The following TBC1D2 variants were observed in gnomAD, a reference collection of about 807,000 sequenced individuals.
TBC1D2 encodes the protein TBC1 domain family member 2.
A neutral mutation model predicts 91.1 loss-of-function variants in TBC1D2; 58 were observed. The ratio of observed to expected loss-of-function variants is 0.64; its 90% CI spans 0.52 to 0.79. TBC1D2 has a LOEUF of 0.79. Ranked by LOEUF, TBC1D2 falls within the 30% of genes least tolerant of loss-of-function variation. The pLI, the probability that TBC1D2 is intolerant of heterozygous loss-of-function variation, is 0.00. For synonymous variants in TBC1D2, 482 were observed against 511.5 expected (o/e 0.94, Z 0.78); for missense variants, 1,080 against 1,208.3 (o/e 0.89, Z 1.57).
chr9:98,241,386 G>T (rs1003948711), intron 3 of TBC1D2, among the ~76,000 whole-genome samples: 3 of 152,162 alleles, frequency 2.0e-5, no homozygotes, highest in African/African-American at 7.2e-5. Context: ...TATGACCCGG[G>T]TTCATGGCAG....
intron 5 of TBC1D2, among the ~76,000 whole-genome samples, chr9:98,223,429 G>T (rs1022916361): frequency 6.6e-6 from 1 of 152,194 alleles, no homozygotes; most frequent in Non-Finnish European, 1.5e-5. Context: ...TGTTTGGAAC[G>T]TCCAGAATGA....
intron 3 of TBC1D2, among the ~76,000 whole-genome samples, chr9:98,240,166 G>GGTGTGTGTGTGTGTGTGTGTGTGT (rs60630078): frequency 2.2e-5 from 3 of 137,856 alleles, no homozygotes; most frequent in African/African-American, 7.5e-5. Flanking sequence ...GTGTTTGTGT[G>GGTGTGTGTGTGTGTGTGTGTGTGT]GTGTGTGTGT....
intron 4 of TBC1D2, among the ~76,000 whole-genome samples, chr9:98,230,963 C>T (rs73488716): frequency 0.038 from 5,723 of 152,226 alleles, 203 homozygotes; most frequent in African/African-American, 0.087. Context: ...AATCAGGTTA[C>T]ACTGGGTACA....
chr9:98,231,671 A>G (rs565689303), intron 4 of TBC1D2, among the ~76,000 whole-genome samples: 5 of 152,186 alleles, frequency 3.3e-5, no homozygotes, highest in Admixed American at 6.5e-5. Context: ...TCTGCTTTAT[A>G]TATTAGATTT....
chr9:98,254,392 G>T (rs560461129), intron 1 of TBC1D2, among the ~76,000 whole-genome samples: 6 of 152,336 alleles, frequency 3.9e-5, no homozygotes, highest in African/African-American at 7.2e-5. Context: ...TCTAGGTGAT[G>T]CAATTAATTC....
chr9:98,247,728 C>CAAAAAAAAAAAAA (rs58713846), intron 2 of TBC1D2, among the ~76,000 whole-genome samples: 22 of 70,842 alleles, frequency 3.1e-4, no homozygotes, highest in South Asian at 1.7e-3. Context: ...GACTCCGTCT[C>CAAAAAAAAAAAAA]AAAAAAAAAA....
At chr9:98,249,390 C>T (rs1024334691) in intron 2 of TBC1D2, among the ~76,000 whole-genome samples, 1 of 152,226 alleles carries the variant, frequency 6.6e-6, no homozygotes, top group African/African-American at 2.4e-5. Context: ...ATTAAAGAAC[C>T]TGCAACAGGT....
At position 98,221,228 on chromosome 9, in the gene TBC1D2, C is replaced by G; in HGVS notation, c.979G>C (p.Glu327Gln). ...GCCTTGTGCAGGATCTTCACTAGCT[C>G]CTGGGCAGGGAGAGGGAAGAATCTT... ...MLTKELKSQKELVKILHKALE... is the reference protein window; with the variant it reads ...MLTKELKSQKQLVKILHKALE... The change falls in exon 6 of 13, where the codon GAG becomes CAG. Residue 327 changes from glutamate to glutamine, a missense_variant and splice_region_variant. Transcript: ENST00000465784. 6.5e-7 allele frequency: 1 copy of G among 1,534,338 alleles called. No homozygotes were observed. The highest frequency in any genetic ancestry group is 8.8e-7 in the Non-Finnish European group (1 of 1,135,730).
intron 6 of TBC1D2, among the ~76,000 whole-genome samples, chr9:98,217,806 G>T (rs2119066317): frequency 6.6e-6 from 1 of 152,216 alleles, no homozygotes; most frequent in South Asian, 2.1e-4. Context: ...TCGAACTCCT[G>T]GGCGGCTCAA....
intron 2 of TBC1D2, among the ~76,000 whole-genome samples, chr9:98,245,056 C>T (rs1189182634): frequency 6.6e-6 from 1 of 151,318 alleles, no homozygotes; most frequent in Non-Finnish European, 1.5e-5. Context: ...CTGGCTAACA[C>T]GGTGAAACCC....
intron 1 of TBC1D2, 52 bp from the exon 2 acceptor site, chr9:98,251,978 T>C (rs2131300842): frequency 1.3e-6 from 2 of 1,556,880 alleles, no homozygotes; most frequent in East Asian, 2.4e-5. Context: ...AGGGTGGCAC[T>C]GGGTGCAGGA....
At position 98,244,017 on chromosome 9, in the gene TBC1D2, G is replaced by A. The variant is rs1829708809; in HGVS notation, c.624C>T (p.Leu208=). ...ACTGTATTTCAGTCCCCAGGTGCTTGAGGGAAATATTCTGAAGGGCAGGGA... is the reference window on the plus strand; with the variant it reads ...ACTGTATTTCAGTCCCCAGGTGCTTAAGGGAAATATTCTGAAGGGCAGGGA... The part of the protein sequence containing the change: ...QPFPALQNIS[L]KHLGTEIQNT... The change falls in exon 3 of 13, where the codon CTC becomes CTT. Residue 208 remains leucine (L), a synonymous_variant. Coordinates refer to ENST00000465784, the MANE Select transcript of TBC1D2 (RefSeq NM_001267571.2). The A allele has an allele frequency of 6.2e-7, 1 of 1,608,952 alleles. No individual in the cohort carries two copies. The highest frequency in any genetic ancestry group is 1.7e-5 in the Admixed American group (1 of 59,176).
intron 6 of TBC1D2, among the ~76,000 whole-genome samples, chr9:98,216,818 T>C (rs1053100038): frequency 1.3e-5 from 2 of 152,186 alleles, no homozygotes; most frequent in African/African-American, 4.8e-5. Context: ...GATCCTCCTG[T>C]CTCAGGCCCC....
chr9:98,238,720 G>A (rs1233509311), intron 3 of TBC1D2, among the ~76,000 whole-genome samples: 1 of 133,624 alleles, frequency 7.5e-6, no homozygotes, highest in Non-Finnish European at 1.5e-5. Context: ...GGGAAGTTTC[G>A]TTCTACTTGT....
Position 98,237,822 on chromosome 9 carries a change from T to C in TBC1D2, c.648-4273A>G, listed in dbSNP as rs137952553. Among the ~76,000 whole-genome samples the C allele has an allele frequency of 2.0e-5, 3 of 152,172 alleles. No homozygotes were observed. The East Asian group carries it at 5.8e-4, about 29-fold the overall frequency. On this transcript the variant is annotated intron_variant, in intron 3 of 12. Transcript: ENST00000465784. ...AAGGAAGCCACCAGAATTTTGATGGTGATTATATTGAATCTGTAGATCAAT... is the reference window on the plus strand; with the variant it reads ...AAGGAAGCCACCAGAATTTTGATGGCGATTATATTGAATCTGTAGATCAAT...
intron 8 of TBC1D2, among the ~76,000 whole-genome samples, chr9:98,209,795 T>TTCCTTCCTTCCTTCCTTCCTTC: frequency 1.1e-5 from 1 of 88,048 alleles, no homozygotes; most frequent in South Asian, 3.5e-4. Flanking sequence ...TTCCTTCCTT[T>TTCCTTCCTTCCTTCCTTCCTTC]CTTTTTCTTT....
In TBC1D2 at chr9:98,235,756, T is replaced by G. The variant is rs529011598; in HGVS notation, c.648-2207A>C. On this transcript the variant is annotated intron_variant, in intron 3 of 12. Transcript: ENST00000465784. ...TCATAAGAATCAGCAAGTTGTCGGCTGGGCACGGTGGCTCACGCCTGTAAT... is the reference window on the plus strand; with the variant it reads ...TCATAAGAATCAGCAAGTTGTCGGCGGGGCACGGTGGCTCACGCCTGTAAT... Among the ~76,000 whole-genome samples, 3 of 152,272 alleles carry G rather than the reference T, an allele frequency of 2.0e-5. No homozygotes were observed. The South Asian group carries it at 6.2e-4, about 32-fold the overall frequency.
At chr9:98,203,471 G>A in intron 9 of TBC1D2, 63 bp from the exon 10 acceptor site, 1 of 1,595,096 alleles carries the variant, frequency 6.3e-7, no homozygotes, top group Non-Finnish European at 8.5e-7. Context: ...GCAGCACATG[G>A]CAGAGGTGGC....
intron 11 of TBC1D2, among the ~76,000 whole-genome samples, 188 bp from the exon 12 acceptor site, chr9:98,200,562 G>A (rs1828467515): frequency 1.3e-5 from 2 of 151,652 alleles, no homozygotes; most frequent in African/African-American, 4.8e-5. Context: ...CCGGCGGGGT[G>A]GTGGGGGGGC....
Sources: gnomAD v4.1 joint callset for allele counts (sites outside exome capture counted in the v4.1 genomes callset) on GRCh38, gnomAD v4.1.1 for gene constraint, MANE v1.5 for transcripts, NCBI Gene and HGNC (gene_info 2026-07-23, HGNC 2026-07-21) for gene names.